SPATA12: variants seen among roughly 807,000 people sequenced by gnomAD.
SPATA12 encodes spermatogenesis-associated protein 12.
For synonymous variants in SPATA12, 85 were observed against 89.2 expected, an observed-to-expected ratio of 0.95 and a Z score of 0.26; for missense variants, 219 against 226.4, an observed-to-expected ratio of 0.97 and a Z score of 0.21.
chr3:57,070,615 G>T (rs192283220), intron 1 of SPATA12, among the ~76,000 whole-genome samples: 1 of 152,208 alleles, frequency 6.6e-6, no homozygotes, highest in East Asian at 1.9e-4. Flanking sequence ...AAACTAACAA[G>T]CTGATCCTAA....
At chr3:57,069,376 AACACACACACACACACAC>A (rs147675971) in intron 1 of SPATA12, among the ~76,000 whole-genome samples, 2 of 146,470 alleles carry the variant, frequency 1.4e-5, no homozygotes, top group South Asian at 4.4e-4. Flanking sequence ...CTGTCTCTCA[AACACACACACACACACAC>A]ACACACACAC....
intron 1 of SPATA12, among the ~76,000 whole-genome samples, chr3:57,061,575 T>C (rs1338849083): frequency 1.3e-5 from 2 of 152,250 alleles, no homozygotes; most frequent in African/African-American, 4.8e-5. Context: ...CTTTTGGCTA[T>C]TGTGAATAAC....
chr3:57,066,304 G>A (rs187073682), intron 1 of SPATA12, among the ~76,000 whole-genome samples: 21 of 150,124 alleles, frequency 1.4e-4, no homozygotes, highest in Middle Eastern at 3.4e-3. Context: ...GTCTGACTCT[G>A]TCACCCAGGT....
Position 57,073,582 on chromosome 3 carries a change from G to C in SPATA12, c.-113G>C. 4 of 1,452,600 alleles carry C rather than the reference G, an allele frequency of 2.8e-6. No homozygotes were observed. The highest frequency in any genetic ancestry group is 2.5e-4 in the Middle Eastern group (1 of 3,942). The allele number at this position is 1,452,600 out of a possible 1,614,324, so 90.0% of individuals were successfully genotyped here. ...GTGGGGTGTGGCTGAAGGTGAATTGGAACAGTGCACTCAGAGCCAGGTTGC... is the reference window on the plus strand; with the variant it reads ...GTGGGGTGTGGCTGAAGGTGAATTGCAACAGTGCACTCAGAGCCAGGTTGC... On this transcript the variant is annotated 5_prime_UTR_variant, in exon 2 of 2. Coordinates refer to ENST00000334325, the MANE Select transcript of SPATA12 (RefSeq NM_181727.2).
chr3:57,068,916 C>G (rs181043808), intron 1 of SPATA12, among the ~76,000 whole-genome samples: 44 of 148,652 alleles, frequency 3.0e-4, no homozygotes, highest in Admixed American at 1.0e-3. Flanking sequence ...GGCAAAAGAT[C>G]TGATTTTTTT....
In SPATA12 at chr3:57,071,659, C is replaced by CAA. The variant is rs34281617; in HGVS notation, c.-329-1691_-329-1690dup. 3.1e-3 allele frequency among the ~76,000 whole-genome samples: 390 copies of CAA among 124,910 alleles called. 1 individual carries two copies. The highest frequency in any genetic ancestry group is 0.013 in the Middle Eastern group (3 of 226). 81.9% of individuals were successfully genotyped at this position (124,910 alleles called of 152,430 possible). ...TGGGTGAAAGAGCAAAACTCCATCT[C>CAA]AAAAAAAAAAAAAAAAATATGCCTT... On this transcript the variant is annotated intron_variant, in intron 1 of 1. Transcript: ENST00000334325.
chr3:57,066,217 A>G (rs1705526196), intron 1 of SPATA12, among the ~76,000 whole-genome samples: 1 of 151,724 alleles, frequency 6.6e-6, no homozygotes, highest in South Asian at 2.1e-4. Flanking sequence ...ATGTTCTCCT[A>G]TCTGTACCAA....
At position 57,073,769 on chromosome 3, in the gene SPATA12, C is replaced by A. The variant is rs1376382520; in HGVS notation, c.75C>A (p.Asp25Glu). 6.2e-7 allele frequency: 1 copy of A among 1,614,252 alleles called. No individual in the cohort carries two copies. The highest frequency in any genetic ancestry group is 8.5e-7 in the Non-Finnish European group (1 of 1,180,050). The change falls in exon 2 of 2, where the codon GAC (aspartate) becomes GAA (glutamate). Residue 25 changes from aspartate (D) to glutamate (E), a missense_variant. Transcript: ENST00000334325. The part of the protein sequence containing the change: ...SGDTWEMKAL[D>E]SSRLVPWPPR... ...ACACCTGGGAAATGAAGGCACTAGA[C>A]TCTTCCAGACTCGTTCCATGGCCAC... is the stretch of plus-strand genomic sequence containing the variant.
In SPATA12 at chr3:57,074,260, A is replaced by C. The variant is rs1317270486; in HGVS notation, c.566A>C (p.His189Pro). The change falls in exon 2 of 2, where the codon CAT becomes CCT. Residue 189 changes from histidine to proline, a missense_variant. Physicochemically the swap from His to Pro is moderately conservative, Grantham distance 77 (BLOSUM62 -2). Transcript: ENST00000334325. ...TACTCCAACACACACATACACACAC[A>C]TCTGTAATCAATAATAATCCTGCAA... ...TVYSNTHIHT[H>P]L is the part of the protein sequence containing the mutation. 5.0e-6 allele frequency: 8 copies of C among 1,608,184 alleles called. No homozygotes were observed. The highest frequency in any genetic ancestry group is 6.0e-6 in the Non-Finnish European group (7 of 1,175,780).
intron 1 of SPATA12, among the ~76,000 whole-genome samples, chr3:57,070,030 G>C (rs756059576): frequency 6.6e-6 from 1 of 152,092 alleles, no homozygotes; most frequent in Admixed American, 6.5e-5. Context: ...TTGGGGGTGA[G>C]GGGCTAAGAT....
At chr3:57,069,009 C>A (rs981250474) in intron 1 of SPATA12, among the ~76,000 whole-genome samples, 3 of 151,580 alleles carry the variant, frequency 2.0e-5, no homozygotes, top group African/African-American at 7.3e-5. Flanking sequence ...GTAACCTCTG[C>A]CTCCCAGGTT....
At position 57,073,683 on chromosome 3, in the gene SPATA12, G is replaced by T; in HGVS notation, c.-12G>T. 1.2e-6 allele frequency: 2 copies of T among 1,600,460 alleles called. No homozygotes were observed. Among genetic ancestry groups the T allele is most frequent in the South Asian group, 2.2e-5 (2 of 89,130 alleles). ...TCCTTTTCTGGAGAATTCTGTTTTT[G>T]ACTTGGGCCCCATGTCCAGTTCTGC... is the stretch of plus-strand genomic sequence containing the variant. On this transcript the variant is annotated 5_prime_UTR_variant, in exon 2 of 2. An upstream open reading frame in the 5' UTR loses its in-frame stop. Coordinates refer to ENST00000334325, the MANE Select transcript of SPATA12 (RefSeq NM_181727.2).
Position 57,074,278 on chromosome 3 carries a change from T to A in SPATA12, c.*11T>A. 6.3e-7 allele frequency: 1 copy of A among 1,598,712 alleles called. No homozygotes were observed. Among genetic ancestry groups the A allele is most frequent in the South Asian group, 1.1e-5 (1 of 89,632 alleles). Reference sequence around the variant, plus strand: ...CACACACATCTGTAATCAATAATAATCCTGCAACATCTGAGAGTCTGGCAG... The same window carrying A: ...CACACACATCTGTAATCAATAATAAACCTGCAACATCTGAGAGTCTGGCAG... On this transcript the variant is annotated 3_prime_UTR_variant, in exon 2 of 2. Transcript: ENST00000334325.
chr3:57,069,413 T>A (rs1312443001), intron 1 of SPATA12, among the ~76,000 whole-genome samples: 3 of 116,936 alleles, frequency 2.6e-5, no homozygotes, highest in Non-Finnish European at 5.6e-5. Flanking sequence ...ACACACACAT[T>A]GTTTGTTTAA....
chr3:57,065,759 C>T (rs57819893), intron 1 of SPATA12, among the ~76,000 whole-genome samples: 2,187 of 152,266 alleles, frequency 0.014, 50 homozygotes, highest in African/African-American at 0.048. Context: ...TGGTAGCCTG[C>T]GGAACAGGAG....
At chr3:57,062,451 C>CGGCGGG (rs1424096332) in intron 1 of SPATA12, among the ~76,000 whole-genome samples, 3 of 152,126 alleles carry the variant, frequency 2.0e-5, no homozygotes, top group Admixed American at 1.3e-4. Context: ...AGGAGCACGG[C>CGGCGGG]GGCGGGGGCG....
At chr3:57,065,212 AG>A (rs1409698360) in intron 1 of SPATA12, among the ~76,000 whole-genome samples, 1 of 152,222 alleles carries the variant, frequency 6.6e-6, no homozygotes, top group African/African-American at 2.4e-5. Context: ...CTGTAATCCC[AG>A]CACTTCGGGA....
chr3:57,064,967 T>C (rs1467281919), intron 1 of SPATA12, among the ~76,000 whole-genome samples: 11 of 152,198 alleles, frequency 7.2e-5, no homozygotes, highest in African/African-American at 2.2e-4. Flanking sequence ...TGAGACACAA[T>C]AGAAGGCAAA....
At position 57,073,651 on chromosome 3, in the gene SPATA12, C is replaced by T; in HGVS notation, c.-44C>T. ...TCAGGGATTGGCTCCGGCCAAGTGCCCCAGCCTCCTTTTCTGGAGAATTCT... is the reference window on the plus strand; with the variant it reads ...TCAGGGATTGGCTCCGGCCAAGTGCTCCAGCCTCCTTTTCTGGAGAATTCT... On this transcript the variant is annotated 5_prime_UTR_variant, in exon 2 of 2. Coordinates refer to ENST00000334325, the MANE Select transcript of SPATA12 (RefSeq NM_181727.2). 1 of 1,574,106 alleles carries T rather than the reference C, an allele frequency of 6.4e-7. No individual in the cohort carries two copies. The highest frequency in any genetic ancestry group is 1.2e-5 in the South Asian group (1 of 83,058).
Sources: gnomAD v4.1 joint callset for allele counts (sites outside exome capture counted in the v4.1 genomes callset) on GRCh38, gnomAD v4.1.1 for gene constraint, MANE v1.5 for transcripts, NCBI Gene and HGNC (gene_info 2026-07-23, HGNC 2026-07-21) for gene names.